The following AGXT2 variants were observed in gnomAD, a reference collection of about 807,000 sequenced individuals.
AGXT2 encodes the protein alanine--glyoxylate aminotransferase 2, mitochondrial.
A neutral mutation model predicts 62.5 loss-of-function variants in AGXT2; 61 were observed. The observed-to-expected ratio is 0.98, with a 90% CI of 0.79 to 1.21. The LOEUF (loss-of-function observed/expected upper bound fraction) is 1.21. AGXT2 is among the 50% of genes most tolerant of loss of function. The pLI is 0.00. For missense variants in AGXT2, 666 were observed against 641.5 expected (o/e 1.04, Z -0.41); for synonymous variants, 243 against 218.7 (o/e 1.11, Z -0.98).
intron 9 of AGXT2, among the ~76,000 whole-genome samples, chr5:35,024,554 T>C (rs1395583395): frequency 6.6e-6 from 1 of 152,242 alleles, no homozygotes; most frequent in Non-Finnish European, 1.5e-5. Flanking sequence ...TGTGCTTTAA[T>C]GCTTTAATGC....
intron 9 of AGXT2, among the ~76,000 whole-genome samples, chr5:35,016,505 T>C (rs1766855060): frequency 6.6e-6 from 1 of 152,110 alleles, no homozygotes; most frequent in Non-Finnish European, 1.5e-5. Flanking sequence ...AGGATGAAAG[T>C]TTATCCTTGC....
chr5:35,004,175 G>T (rs1373500738), intron 12 of AGXT2, among the ~76,000 whole-genome samples: 1 of 152,180 alleles, frequency 6.6e-6, no homozygotes, highest in Non-Finnish European at 1.5e-5. Context: ...TGGGAGTCTG[G>T]TTCCTTAATA....
chr5:35,033,348 A>G (rs529138738), intron 6 of AGXT2, 112 bp downstream of exon 6: 1 of 873,278 alleles, frequency 1.1e-6, no homozygotes, highest in East Asian at 2.6e-5. Flanking sequence ...TGAGCCCCTG[A>G]TTAATGACAG....
intron 13 of AGXT2, among the ~76,000 whole-genome samples, chr5:35,003,050 C>T (rs1766291455): frequency 6.6e-6 from 1 of 152,196 alleles, no homozygotes; most frequent in South Asian, 2.1e-4. Context: ...TGTAGCCCAT[C>T]CCTGGGGAGA....
At chr5:35,012,410 T>TAA (rs2112196403) in intron 11 of AGXT2, 1 of 154,124 alleles carries the variant, frequency 6.5e-6, no homozygotes, top group East Asian at 1.9e-4. Context: ...AGAAATTTGT[T>TAA]ACAGTTCTTT....
intron 11 of AGXT2, chr5:35,012,583 A>G (rs1387815032): frequency 3.2e-6 from 1 of 312,524 alleles, no homozygotes; most frequent in Admixed American, 4.6e-5. Flanking sequence ...TTATAATAGT[A>G]CAACAAAAGG....
chr5:35,043,793 C>T (rs533078875), intron 1 of AGXT2, among the ~76,000 whole-genome samples: 18 of 152,240 alleles, frequency 1.2e-4, no homozygotes, highest in South Asian at 8.3e-4. Context: ...CAGGCTCAAG[C>T]GATCCTTCTA....
At chr5:35,045,928 CG>C (rs1561238761) in intron 1 of AGXT2, among the ~76,000 whole-genome samples, 1 of 151,882 alleles carries the variant, frequency 6.6e-6, no homozygotes, top group Non-Finnish European at 1.5e-5. Context: ...CCACCATGCC[CG>C]ACTAATTTTT....
Position 35,032,777 on chromosome 5 carries a change from G to C in AGXT2, c.724C>G (p.Arg242Gly), listed in dbSNP as rs776175895. 5.0e-6 allele frequency: 8 copies of C among 1,609,774 alleles called. No homozygotes were observed. Among genetic ancestry groups the C allele is most frequent in the East Asian group, 2.2e-5 (1 of 44,826 alleles). Residue 242 changes from arginine (R) to glycine (G), a missense_variant, in exon 7 of 14, where the codon CGA (arginine) becomes GGA (glycine). Physicochemically the swap from Arg to Gly is moderately radical, Grantham distance 125 (BLOSUM62 -2). Transcript: ENST00000231420. ...FRGPWGGSHC[R>G]DSPVQTIRKC... The stretch of plus-strand genomic sequence containing the variant: ...CTGATTGTTTGCACTGGAGAATCTC[G>C]ACAGTGGCTTCCTCCCCAAGGGCCA...
chr5:35,005,515 G>C (rs1002668510), intron 12 of AGXT2, among the ~76,000 whole-genome samples: 3 of 152,076 alleles, frequency 2.0e-5, no homozygotes, highest in Admixed American at 6.6e-5. Flanking sequence ...GTGAGCCACC[G>C]TGCCTGGCCC....
Position 35,017,213 on chromosome 5 carries a change from C to T in AGXT2, c.964-3094G>A, listed in dbSNP as rs111684913. Among the ~76,000 whole-genome samples the T allele has an allele frequency of 2.7e-3, 412 of 152,270 alleles. 3 individuals are homozygous for T. Among genetic ancestry groups the T allele is most frequent in the African/African-American group, 9.3e-3 (388 of 41,568 alleles). On this transcript the variant is annotated intron_variant, in intron 9 of 13. Coordinates refer to ENST00000231420, the MANE Select transcript of AGXT2 (RefSeq NM_031900.4). ...GTCATTTTGGAGGGGCAGCTTGATA[C>T]GGTGGCTAGTCATGTGGTTTTGGGA...
At chr5:35,022,717 G>C (rs1390163055) in intron 9 of AGXT2, among the ~76,000 whole-genome samples, 1 of 121,670 alleles carries the variant, frequency 8.2e-6, no homozygotes, top group African/African-American at 3.1e-5. Context: ...AAAACTTAAA[G>C]TATAATAATA....
chr5:35,004,445 C>T (rs1237409589), intron 12 of AGXT2, among the ~76,000 whole-genome samples: 4 of 152,124 alleles, frequency 2.6e-5, no homozygotes, highest in East Asian at 1.9e-4. Context: ...CTCCAGGAGC[C>T]GAGAGCCTGT....
At chr5:35,044,739 C>T (rs765606953) in intron 1 of AGXT2, among the ~76,000 whole-genome samples, 10 of 152,086 alleles carry the variant, frequency 6.6e-5, no homozygotes, top group Non-Finnish European at 1.5e-4. Context: ...AGCAAGAGCA[C>T]TCCTCGATTC....
chr5:35,013,026 C>T lies in AGXT2; in HGVS notation c.1116G>A (p.Ala372=), dbSNP rs1207970057. 6 of 1,551,552 alleles carry T rather than the reference C, an allele frequency of 3.9e-6. No individual in the cohort carries two copies. The highest frequency in any genetic ancestry group is 2.7e-5 in the African/African-American group (2 of 73,040). The change falls in exon 11 of 14, where the codon GCG becomes GCA. Residue 372 remains alanine, a synonymous_variant. Transcript: ENST00000231420. The part of the protein sequence containing the change: ...ITTPEIAKSL[A]KCLQHFNTFG... Reference sequence around the variant, plus strand: ...AGGTGTTGAAGTGCTGCAGGCATTTCGCCAAAGATTTGGCAATCTCTAGAG... The same window carrying T: ...AGGTGTTGAAGTGCTGCAGGCATTTTGCCAAAGATTTGGCAATCTCTAGAG...
At chr5:35,008,452 T>C (rs1181414368) in intron 12 of AGXT2, among the ~76,000 whole-genome samples, 1 of 152,210 alleles carries the variant, frequency 6.6e-6, no homozygotes, top group Non-Finnish European at 1.5e-5. Context: ...GGAGTATAGA[T>C]AACTTTCAGG....
chr5:35,024,827 G>C (rs1490847021), intron 9 of AGXT2, among the ~76,000 whole-genome samples: 1 of 152,040 alleles, frequency 6.6e-6, no homozygotes, highest in Non-Finnish European at 1.5e-5. Flanking sequence ...AAAACTAGCC[G>C]GGTGTGGTGG....
Position 34,998,554 on chromosome 5 carries a change from C to G in AGXT2, c.*165G>C. ...TGGAGTTCTCAAGATAAGAGGGGCT[C>G]TGCTAACAAATATGGTTGGTAGGCA... On this transcript the variant is annotated 3_prime_UTR_variant, in exon 14 of 14. Transcript: ENST00000231420. 2 of 645,606 alleles carry G rather than the reference C, an allele frequency of 3.1e-6. No individual in the cohort carries two copies. Among genetic ancestry groups the G allele is most frequent in the South Asian group, 3.7e-5 (2 of 53,920 alleles). The allele number at this position is 645,606 out of a possible 1,614,324, so 40.0% of individuals were successfully genotyped here. A position where few individuals can be genotyped will look rare whatever the true frequency, so the allele number is the denominator to read the frequency against.
chr5:35,034,636 C>A (rs1364965659), intron 5 of AGXT2, among the ~76,000 whole-genome samples: 2 of 152,092 alleles, frequency 1.3e-5, no homozygotes, highest in Non-Finnish European at 2.9e-5. Context: ...GCATAGTTTT[C>A]TATTATTTTT....
Sources: gnomAD v4.1 joint callset for allele counts (sites outside exome capture counted in the v4.1 genomes callset) on GRCh38, gnomAD v4.1.1 for gene constraint, MANE v1.5 for transcripts, NCBI Gene and HGNC (gene_info 2026-07-23, HGNC 2026-07-21) for gene names.